Variants in GPC6 observed in about 807,000 individuals in gnomAD.
GPC6 encodes glypican 6, also known as glypican-6.
In GPC6, 14 loss-of-function variants were observed where a neutral mutation model predicts 55.2. The observed-to-expected ratio is 0.25, with a 90% CI of 0.17 to 0.40. The LOEUF is 0.40. Among genes scored for constraint, GPC6 ranks in the 10% least tolerant of loss-of-function variants. The pLI, the probability that GPC6 is intolerant of heterozygous loss-of-function variation, is 1.00. For synonymous variants in GPC6, 278 were observed against 259.6 expected, an observed-to-expected ratio of 1.07 and a Z score of -0.68; for missense variants, 641 against 708.5, an observed-to-expected ratio of 0.90 and a Z score of 1.08.
At chr13:94,392,415 ATTTT>A (rs59173357) in intron 7 of GPC6, among the ~76,000 whole-genome samples, 14 of 105,666 alleles carry the variant, frequency 1.3e-4, no homozygotes, top group Admixed American at 5.5e-4. Context: ...TCTATTTTTA[ATTTT>A]TTTTTTTTTT....
intron 2 of GPC6, among the ~76,000 whole-genome samples, chr13:93,815,639 C>A (rs1034043086): frequency 9.9e-5 from 15 of 152,224 alleles, no homozygotes; most frequent in African/African-American, 3.4e-4. Flanking sequence ...TGAGAAGTAT[C>A]CTGTGAATAA....
At chr13:94,018,610 C>A (rs947754490) in intron 3 of GPC6, among the ~76,000 whole-genome samples, 8 of 152,082 alleles carry the variant, frequency 5.3e-5, no homozygotes, top group Non-Finnish European at 1.2e-4. Flanking sequence ...TTTTAATATG[C>A]TCTTGGATTT....
chr13:94,337,896 C>G (rs971691686), intron 6 of GPC6, among the ~76,000 whole-genome samples: 1 of 152,196 alleles, frequency 6.6e-6, no homozygotes, highest in Non-Finnish European at 1.5e-5. Context: ...CTCCTCTTCA[C>G]GCCTGTGCCA....
intron 3 of GPC6, among the ~76,000 whole-genome samples, chr13:93,877,426 A>G (rs879326478): frequency 4.7e-5 from 7 of 149,172 alleles, no homozygotes; most frequent in Non-Finnish European, 1.0e-4. Flanking sequence ...TAGACATTTA[A>G]AAATAAACAT....
At chr13:93,433,150 A>C (rs1364287595) in intron 1 of GPC6, among the ~76,000 whole-genome samples, 1 of 152,124 alleles carries the variant, frequency 6.6e-6, no homozygotes, top group Non-Finnish European at 1.5e-5. Context: ...AATTCAGGTA[A>C]TTTTTGAGTG....
At chr13:93,384,350 TA>T (rs1875305460) in intron 1 of GPC6, among the ~76,000 whole-genome samples, 1 of 151,474 alleles carries the variant, frequency 6.6e-6, no homozygotes, top group Non-Finnish European at 1.5e-5. Flanking sequence ...TTGTTTTAGA[TA>T]TTTTTTTCAT....
chr13:94,108,761 G>A (rs1417211987), intron 4 of GPC6, among the ~76,000 whole-genome samples: 1 of 151,138 alleles, frequency 6.6e-6, no homozygotes, highest in African/African-American at 2.4e-5. Context: ...AGAATCACTC[G>A]AACCTGGGAG....
chr13:93,488,250 C>G (rs1182611813), intron 1 of GPC6, among the ~76,000 whole-genome samples: 2 of 152,010 alleles, frequency 1.3e-5, no homozygotes, highest in African/African-American at 4.8e-5. Context: ...ATAGTTTGCT[C>G]ATAATGATGG....
At chr13:94,007,235 C>T (rs1189268057) in intron 3 of GPC6, among the ~76,000 whole-genome samples, 1 of 152,178 alleles carries the variant, frequency 6.6e-6, no homozygotes, top group East Asian at 1.9e-4. Flanking sequence ...TCAGATCACT[C>T]ATTAATTCAT....
chr13:93,810,980 C>T (rs910143714), intron 2 of GPC6, among the ~76,000 whole-genome samples: 1 of 152,184 alleles, frequency 6.6e-6, no homozygotes, highest in Non-Finnish European at 1.5e-5. Flanking sequence ...AATGTTTCCT[C>T]TTTCCATGAG....
At chr13:94,332,833 G>A (rs1288780647) in intron 6 of GPC6, among the ~76,000 whole-genome samples, 1 of 152,372 alleles carries the variant, frequency 6.6e-6, no homozygotes, top group Non-Finnish European at 1.5e-5. Flanking sequence ...GAGATTGCAA[G>A]AGAAGTAACA....
At chr13:93,517,519 G>A (rs562772332) in intron 1 of GPC6, among the ~76,000 whole-genome samples, 4 of 152,026 alleles carry the variant, frequency 2.6e-5, no homozygotes, top group South Asian at 2.1e-4. Flanking sequence ...TTTTCCATTC[G>A]CCATAATTAA....
intron 1 of GPC6, among the ~76,000 whole-genome samples, chr13:93,274,186 C>T (rs970736784): frequency 6.6e-6 from 1 of 152,128 alleles, no homozygotes; most frequent in Admixed American, 6.5e-5. Context: ...AAAGCAGTCA[C>T]CTACAGATGT....
At position 93,368,390 on chromosome 13, in the gene GPC6, GTCCT is replaced by G. The variant is rs1168320888; in HGVS notation, c.160+140798_160+140801del. Among the ~76,000 whole-genome samples the G allele has an allele frequency of 3.5e-3, 196 of 56,292 alleles. 2 individuals are homozygous for G. Among genetic ancestry groups the G allele is most frequent in the African/African-American group, 7.7e-3 (151 of 19,674 alleles). 36.9% of individuals were successfully genotyped at this position (56,292 alleles called of 152,430 possible). The stretch of plus-strand genomic sequence containing the variant: ...CTTCCTTCCTTCCTTCCTTCCTTCC[GTCCT>G]TCCTTCCTTCCTTCCTTCCTTCCAT... On this transcript the variant is annotated intron_variant, in intron 1 of 8. Coordinates refer to ENST00000377047, the MANE Select transcript of GPC6 (RefSeq NM_005708.5).
chr13:93,553,655 A>C (rs950702026), intron 2 of GPC6, among the ~76,000 whole-genome samples: 9 of 135,106 alleles, frequency 6.7e-5, no homozygotes, highest in African/African-American at 2.3e-4. Context: ...AGATTGTGCC[A>C]TTGCACTCCA....
chr13:94,148,098 G>A (rs1351850847), intron 4 of GPC6, among the ~76,000 whole-genome samples: 2 of 152,150 alleles, frequency 1.3e-5, no homozygotes, highest in African/African-American at 4.8e-5. Context: ...ATCTCTCAGA[G>A]GAGATTAGTG....
intron 2 of GPC6, among the ~76,000 whole-genome samples, chr13:93,817,095 G>T (rs1886880504): frequency 6.6e-6 from 1 of 152,138 alleles, no homozygotes; most frequent in Admixed American, 6.5e-5. Context: ...ACTAAACCTG[G>T]AGGAAGGCTG....
intron 2 of GPC6, among the ~76,000 whole-genome samples, chr13:93,644,356 C>T (rs1023257789): frequency 3.9e-5 from 6 of 151,982 alleles, no homozygotes; most frequent in African/African-American, 1.4e-4. Flanking sequence ...TCTTCAAAGC[C>T]GTCTAAAGAA....
intron 3 of GPC6, among the ~76,000 whole-genome samples, chr13:93,888,891 G>A (rs899426536): frequency 1.6e-4 from 25 of 152,008 alleles, no homozygotes; most frequent in African/African-American, 5.8e-4. Flanking sequence ...GCTTTCAAGG[G>A]CTAAACTAAT....
Sources: gnomAD v4.1 joint callset for allele counts (sites outside exome capture counted in the v4.1 genomes callset) on GRCh38, gnomAD v4.1.1 for gene constraint, MANE v1.5 for transcripts, NCBI Gene and HGNC (gene_info 2026-07-23, HGNC 2026-07-21) for gene names.